ZNF407: variants seen among roughly 807,000 people sequenced by gnomAD.
ZNF407 encodes the protein zinc finger protein 407.
Under a neutral mutation model 131.2 loss-of-function variants are expected in ZNF407, and 17 were observed. The observed-to-expected ratio is 0.13, with a 90% CI of 0.09 to 0.19. The LOEUF is 0.19. ZNF407 is among the 10% of genes least tolerant of loss of function. The pLI, the probability that ZNF407 is intolerant of heterozygous loss-of-function variation, is 1.00. For missense variants in ZNF407, 2,681 were observed against 2,830.6 expected, an observed-to-expected ratio of 0.95 and a Z score of 1.20; for synonymous variants, 1,156 against 1,062.0, an observed-to-expected ratio of 1.09 and a Z score of -1.72.
intron 3 of ZNF407, among the ~76,000 whole-genome samples, chr18:74,668,941 G>A (rs113866969): frequency 1.1e-3 from 167 of 151,028 alleles, no homozygotes; most frequent in Non-Finnish European, 1.8e-3. Flanking sequence ...GTTCTCATGC[G>A]TGTCACGTTC....
At chr18:75,029,282 TTA>T (rs980047440) in intron 8 of ZNF407, among the ~76,000 whole-genome samples, 43 of 152,228 alleles carry the variant, frequency 2.8e-4, no homozygotes, top group Non-Finnish European at 5.9e-4. Flanking sequence ...AAACAATGTG[TTA>T]TGTTATTACA....
intron 3 of ZNF407, among the ~76,000 whole-genome samples, chr18:74,660,347 G>A (rs1362956765): frequency 6.6e-6 from 1 of 151,976 alleles, no homozygotes; most frequent in Non-Finnish European, 1.5e-5. Context: ...TCCTAAAACT[G>A]CCTTGAAGTC....
intron 3 of ZNF407, among the ~76,000 whole-genome samples, chr18:74,706,940 C>CCTTTTTTTTTTTTTTTTTTT (rs1967637808): frequency 1.5e-5 from 2 of 132,350 alleles, no homozygotes; most frequent in Non-Finnish European, 1.6e-5. Context: ...AAGACAGCAG[C>CCTTTTTTTTTTTTTTTTTTT]TTTTTTTTTT....
At chr18:74,931,017 C>G (rs972873832) in intron 8 of ZNF407, among the ~76,000 whole-genome samples, 1 of 152,168 alleles carries the variant, frequency 6.6e-6, no homozygotes, top group African/African-American at 2.4e-5. Context: ...ATCCTGCATT[C>G]CTGTGAATAT....
intron 3 of ZNF407, among the ~76,000 whole-genome samples, chr18:74,713,888 G>T (rs1027579096): frequency 6.6e-6 from 1 of 151,964 alleles, no homozygotes; most frequent in South Asian, 2.1e-4. Context: ...TATTATGTTT[G>T]GCATAATATG....
chr18:75,064,069 C>A lies in ZNF407; in HGVS notation c.6348C>A (p.Val2116=). The part of the protein sequence containing the change: ...VVSEEGAVHM[V]AGEGAQIIMQ... The stretch of plus-strand genomic sequence containing the variant: ...GCGAAGAGGGTGCCGTCCACATGGT[C>A]GCCGGGGAGGGTGCCCAGATCATCA... Residue 2116 remains valine, a synonymous_variant, in exon 9 of 9, where the codon GTC becomes GTA. Transcript: ENST00000299687. 5 of 1,589,702 alleles carry A rather than the reference C, an allele frequency of 3.1e-6. No homozygotes were observed. The highest frequency in any genetic ancestry group is 4.3e-6 in the Non-Finnish European group (5 of 1,169,012).
chr18:74,802,282 CT>C (rs1447916173), intron 4 of ZNF407, among the ~76,000 whole-genome samples: 1 of 152,034 alleles, frequency 6.6e-6, no homozygotes, highest in Non-Finnish European at 1.5e-5. Flanking sequence ...GCCTTTTAAC[CT>C]ATTGTTTATG....
rs1054361961 is a variant in ZNF407, at chr18:74,618,560, A to G, written c.-53-12407A>G. On this transcript the variant is annotated intron_variant, in intron 1 of 8. Coordinates refer to ENST00000299687, the MANE Select transcript of ZNF407 (RefSeq NM_017757.3). ...GTCTGAGGGCCTCAATCATAAATGT[A>G]TTTCCATCTAAGGGCTGGCTTTTTT... 3.2e-3 allele frequency among the ~76,000 whole-genome samples: 491 copies of G among 152,240 alleles called. 3 individuals are homozygous for G. Among genetic ancestry groups the G allele is most frequent in the African/African-American group, 0.011 (462 of 41,556 alleles).
Position 74,889,151 on chromosome 18 carries a change from A to T in ZNF407, c.5129-767A>T, listed in dbSNP as rs951836944. Among the ~76,000 whole-genome samples the T allele has an allele frequency of 4.5e-4, 69 of 152,310 alleles. 1 individual carries two copies. Among genetic ancestry groups the T allele is most frequent in the African/African-American group, 1.5e-3 (64 of 41,574 alleles). ...GAGGAATAGGCTACACCATCTAGGT[A>T]GGTGTGTAGTAGGTTGTTTCGTCTA... On this transcript the variant is annotated intron_variant, in intron 6 of 8. Coordinates refer to ENST00000299687, the MANE Select transcript of ZNF407 (RefSeq NM_017757.3).
At chr18:74,820,125 G>T (rs192966142) in intron 4 of ZNF407, among the ~76,000 whole-genome samples, 40 of 152,302 alleles carry the variant, frequency 2.6e-4, no homozygotes, top group Middle Eastern at 3.4e-3. Flanking sequence ...GAATAGAATC[G>T]ATTTTCCAGT....
chr18:74,872,389 T>G (rs1404904801), intron 4 of ZNF407, among the ~76,000 whole-genome samples: 1 of 152,186 alleles, frequency 6.6e-6, no homozygotes, highest in Non-Finnish European at 1.5e-5. Flanking sequence ...TTCACTGTAT[T>G]ATAATATTCC....
chr18:75,007,643 A>G (rs920730), intron 8 of ZNF407, among the ~76,000 whole-genome samples: 113,561 of 152,196 alleles, frequency 0.75, 43,489 homozygotes, highest in Non-Finnish European at 0.83. Flanking sequence ...GGTCTCTAAT[A>G]TGTTAGAATC....
chr18:74,712,787 G>A (rs1967797744), intron 3 of ZNF407, among the ~76,000 whole-genome samples: 1 of 152,328 alleles, frequency 6.6e-6, no homozygotes, highest in Admixed American at 6.5e-5. Flanking sequence ...TTTGCTGTCA[G>A]TTGGCTATCC....
At chr18:74,730,690 T>G (rs535699293) in intron 3 of ZNF407, among the ~76,000 whole-genome samples, 5 of 152,238 alleles carry the variant, frequency 3.3e-5, no homozygotes, top group African/African-American at 9.6e-5. Context: ...CTTGGCAACC[T>G]TGACCTTTGG....
intron 8 of ZNF407, chr18:75,061,234 A>G (rs1973629979): frequency 6.6e-6 from 1 of 152,224 alleles, no homozygotes; most frequent in Admixed American, 6.5e-5. Flanking sequence ...AAGGAGATTA[A>G]AGCAGAATAT....
chr18:74,939,617 C>A (rs1388465174), intron 8 of ZNF407, among the ~76,000 whole-genome samples: 1 of 152,174 alleles, frequency 6.6e-6, no homozygotes, highest in Non-Finnish European at 1.5e-5. Context: ...CCCTTTTTAT[C>A]AATCGACAGA....
chr18:74,658,415 C>T (rs1023109947), intron 3 of ZNF407, among the ~76,000 whole-genome samples: 1 of 152,060 alleles, frequency 6.6e-6, no homozygotes, highest in Non-Finnish European at 1.5e-5. Flanking sequence ...CGCGCCTGGC[C>T]TTCGTCTTTA....
intron 3 of ZNF407, among the ~76,000 whole-genome samples, chr18:74,744,889 T>A (rs182078172): frequency 3.9e-5 from 6 of 152,208 alleles, no homozygotes; most frequent in Non-Finnish European, 8.8e-5. Flanking sequence ...GATGGACTGG[T>A]AGTTTTAATT....
chr18:74,690,053 A>T (rs999443221), intron 3 of ZNF407, among the ~76,000 whole-genome samples: 1 of 152,080 alleles, frequency 6.6e-6, no homozygotes, highest in African/African-American at 2.4e-5. Context: ...GTTTACCTCT[A>T]AAAAAAAGCT....
Sources: allele counts gnomAD v4.1 joint callset (sites outside exome capture counted in the v4.1 genomes callset), GRCh38; gene constraint gnomAD v4.1.1; transcripts MANE v1.5; gene names NCBI Gene and HGNC (gene_info 2026-07-23, HGNC 2026-07-21).